Variants in PHF21B observed in about 807,000 individuals in gnomAD.
PHF21B encodes the protein PHD finger protein 21B.
In PHF21B, 22 loss-of-function variants were observed where a neutral mutation model predicts 62.2. The observed-to-expected ratio is 0.35, with a 90% CI of 0.25 to 0.51. The LOEUF (loss-of-function observed/expected upper bound fraction) is 0.51, where lower values mean the gene tolerates loss of function less well. PHF21B is among the 20% of genes least tolerant of loss of function. PHF21B has a pLI of 0.97. For missense variants in PHF21B, 701 were observed against 707.9 expected, an observed-to-expected ratio of 0.99 and a Z score of 0.11; for synonymous variants, 341 against 314.7, an observed-to-expected ratio of 1.08 and a Z score of -0.88.
At chr22:45,008,241 C>A (rs999308415) in intron 2 of PHF21B, 6 of 255,746 alleles carry the variant, frequency 2.3e-5, no homozygotes, top group Non-Finnish European at 3.7e-5. Flanking sequence ...GGACTCCGAG[C>A]CGGGAGAAAT....
In PHF21B at chr22:45,009,182, G is replaced by C. The variant is rs957002504; in HGVS notation, c.54+314C>G. ...GGGCCTATTCGCACTCCCCTCCCCG[G>C]GACCGGCTCACGAAGGGGCCCCCTC... is the stretch of plus-strand genomic sequence containing the variant. On this transcript the variant is annotated intron_variant, in intron 1 of 12. Coordinates refer to ENST00000313237, the MANE Select transcript of PHF21B (RefSeq NM_138415.5). This position sits in a 1 kb window ranked among gnomAD's most constrained non-coding sequence, Gnocchi z 5.9. 77 of 443,706 alleles carry C rather than the reference G, an allele frequency of 1.7e-4. No homozygotes were observed. The highest frequency in any genetic ancestry group is 6.3e-4 in the Middle Eastern group (1 of 1,594). The allele number at this position is 443,706 out of a possible 1,614,324, so 27.5% of individuals were successfully genotyped here. A position where few individuals can be genotyped will look rare whatever the true frequency, so the allele number is the denominator to read the frequency against.
chr22:44,958,401 G>A lies in PHF21B; in HGVS notation c.121-37911C>T, dbSNP rs16993217. Among the ~76,000 whole-genome samples, 777 of 152,182 alleles carry A rather than the reference G, an allele frequency of 5.1e-3. 6 individuals carry two copies. Among genetic ancestry groups the A allele is most frequent in the African/African-American group, 8.5e-3 (351 of 41,530 alleles). On this transcript the variant is annotated intron_variant, in intron 2 of 12. Transcript: ENST00000313237. ...AGAACTCCGAGAGCTTTCTCAACCC[G>A]GAGGCCTGTGTCCTTCGATTAGGAA...
chr22:44,979,731 A>G (rs372218485), intron 2 of PHF21B, among the ~76,000 whole-genome samples: 31 of 152,318 alleles, frequency 2.0e-4, no homozygotes, highest in African/African-American at 7.5e-4. Flanking sequence ...TTGGGCTTTC[A>G]AAATGTCTTG....
At chr22:44,929,109 T>C (rs1242710626) in intron 2 of PHF21B, among the ~76,000 whole-genome samples, 1 of 152,266 alleles carries the variant, frequency 6.6e-6, no homozygotes, top group Non-Finnish European at 1.5e-5. Flanking sequence ...TTTCCTTGCA[T>C]CTTTAGAGAA....
At chr22:44,960,914 C>T (rs1012368489) in intron 2 of PHF21B, among the ~76,000 whole-genome samples, 3 of 150,218 alleles carry the variant, frequency 2.0e-5, no homozygotes, top group Non-Finnish European at 4.4e-5. Context: ...CACTGCAGAT[C>T]CTGGGACTTG....
At chr22:44,976,937 A>C (rs2072747998) in intron 2 of PHF21B, among the ~76,000 whole-genome samples, 1 of 152,196 alleles carries the variant, frequency 6.6e-6, no homozygotes, top group Admixed American at 6.5e-5. Flanking sequence ...CAGCAGTTCA[A>C]GACCAGCCTG....
intron 12 of PHF21B, among the ~76,000 whole-genome samples, chr22:44,884,386 CGG>C: frequency 3.8e-5 from 1 of 26,106 alleles, no homozygotes; most frequent in Non-Finnish European, 9.4e-5. Context: ...ACCACCATCA[CGG>C]TGATGAGCAC....
intron 9 of PHF21B, among the ~76,000 whole-genome samples, chr22:44,889,239 T>C (rs1211680687): frequency 6.7e-6 from 1 of 149,906 alleles, no homozygotes; most frequent in Admixed American, 6.6e-5. Context: ...GACCAGCCAA[T>C]GTTCTGGGAA....
At chr22:44,951,424 C>T (rs879256210) in intron 2 of PHF21B, among the ~76,000 whole-genome samples, 9 of 152,182 alleles carry the variant, frequency 5.9e-5, no homozygotes, top group Non-Finnish European at 7.3e-5. Flanking sequence ...TGAAGCTTTG[C>T]TCACTCACCC....
At chr22:44,888,483 T>C (rs1054709833) in intron 9 of PHF21B, among the ~76,000 whole-genome samples, 2 of 139,766 alleles carry the variant, frequency 1.4e-5, no homozygotes, top group African/African-American at 5.9e-5. Flanking sequence ...AACAGCCCCC[T>C]GAGGGTCTGT....
chr22:44,963,793 C>G (rs1030414309), intron 2 of PHF21B, among the ~76,000 whole-genome samples: 2 of 152,228 alleles, frequency 1.3e-5, no homozygotes, highest in Non-Finnish European at 2.9e-5. Context: ...GAAGCAGGCC[C>G]ACCCCACACC....
At chr22:44,920,783 C>G (rs780264616) in intron 2 of PHF21B, among the ~76,000 whole-genome samples, 7 of 152,118 alleles carry the variant, frequency 4.6e-5, no homozygotes, top group South Asian at 2.1e-4. Context: ...AATGTTGTAA[C>G]CTATTTTTCT....
At chr22:44,933,780 T>C (rs56709727) in intron 2 of PHF21B, among the ~76,000 whole-genome samples, 2,248 of 151,868 alleles carry the variant, frequency 0.015, 57 homozygotes, top group African/African-American at 0.052. Flanking sequence ...GACAGACACA[T>C]GACTGCCCCA....
chr22:44,906,641 G>A (rs1158580520), intron 5 of PHF21B, among the ~76,000 whole-genome samples: 4 of 152,244 alleles, frequency 2.6e-5, no homozygotes, highest in Non-Finnish European at 4.4e-5. Context: ...AGCAGACAGC[G>A]CCCTGGGTCG....
At chr22:44,923,088 G>A (rs369310893) in intron 2 of PHF21B, among the ~76,000 whole-genome samples, 1 of 151,462 alleles carries the variant, frequency 6.6e-6, no homozygotes, top group Non-Finnish European at 1.5e-5. Context: ...TCCAAGACCC[G>A]CTATAAAGCT....
At chr22:44,907,109 C>A (rs546029384) in intron 5 of PHF21B, among the ~76,000 whole-genome samples, 1 of 152,226 alleles carries the variant, frequency 6.6e-6, no homozygotes, top group Non-Finnish European at 1.5e-5. Flanking sequence ...GCAACCTCAC[C>A]CTTACTGTGA....
intron 2 of PHF21B, among the ~76,000 whole-genome samples, chr22:44,943,283 G>A (rs1302662437): frequency 6.6e-6 from 1 of 152,162 alleles, no homozygotes; most frequent in Non-Finnish European, 1.5e-5. Flanking sequence ...ACAGCCAGGG[G>A]CTCGGGGACA....
intron 2 of PHF21B, among the ~76,000 whole-genome samples, chr22:44,971,923 A>G (rs2072645942): frequency 1.3e-5 from 2 of 152,256 alleles, no homozygotes; most frequent in Admixed American, 1.3e-4. Context: ...AGCTGCTAAT[A>G]AACACATAAG....
chr22:44,961,058 G>C (rs552159974), intron 2 of PHF21B, among the ~76,000 whole-genome samples: 2 of 147,098 alleles, frequency 1.4e-5, no homozygotes, highest in Admixed American at 7.1e-5. Flanking sequence ...CCTGGTTCAA[G>C]CGATTCTCAT....
Sources: gnomAD v4.1 joint callset for allele counts (sites outside exome capture counted in the v4.1 genomes callset) on GRCh38, gnomAD v4.1.1 for gene constraint, Gnocchi (gnomAD v3.1) non-coding constraint, MANE v1.5 for transcripts, NCBI Gene and HGNC (gene_info 2026-07-23, HGNC 2026-07-21) for gene names.